Variants in ADCYAP1R1 observed in about 807,000 individuals in gnomAD.
ADCYAP1R1 encodes pituitary adenylate cyclase-activating polypeptide type I receptor.
In ADCYAP1R1, 44 loss-of-function variants were observed where a neutral mutation model predicts 67.6. The observed-to-expected ratio is 0.65, with a 90% CI of 0.51 to 0.84. The LOEUF is 0.84. Ranked by LOEUF, ADCYAP1R1 falls within the 40% of genes least tolerant of loss-of-function variation. The probability of loss-of-function intolerance (pLI) is 0.00; values close to 1 mark genes in which losing one functional copy is unlikely to be tolerated. For synonymous variants in ADCYAP1R1, 222 were observed against 219.6 expected (o/e 1.01, Z -0.10); for missense variants, 477 against 587.9 (o/e 0.81, Z 1.95).
intron 1 of ADCYAP1R1, among the ~76,000 whole-genome samples, chr7:31,059,757 C>T (rs1265916904): frequency 6.6e-6 from 1 of 152,028 alleles, no homozygotes; most frequent in Non-Finnish European, 1.5e-5. Context: ...GGGGGCAGTG[C>T]AGGGTTGCGG....
At position 31,108,082 on chromosome 7, in the gene ADCYAP1R1, T is replaced by TA. The variant is rs1796718100; in HGVS notation, c.*1399dup. On this transcript the variant is annotated 3_prime_UTR_variant, in exon 16 of 16. Transcript: ENST00000304166. Reference sequence around the variant, plus strand: ...CTCATTCCATGTCAGCATTTGGTGTTACTCCTGTCCAAATTCTGTTTGCAG... The same window carrying TA: ...CTCATTCCATGTCAGCATTTGGTGTTAACTCCTGTCCAAATTCTGTTTGCAG... 1 of 152,266 alleles carries TA rather than the reference T, an allele frequency of 6.6e-6. No homozygotes were observed. Among genetic ancestry groups the TA allele is most frequent in the Admixed American group, 6.5e-5 (1 of 15,286 alleles). The allele number at this position is 152,266 out of a possible 1,614,324, so 9.4% of individuals were successfully genotyped here. A position where few individuals can be genotyped will look rare whatever the true frequency, so the allele number is the denominator to read the frequency against.
chr7:31,087,343 G>C (rs1035335263), intron 11 of ADCYAP1R1, among the ~76,000 whole-genome samples: 3 of 152,208 alleles, frequency 2.0e-5, no homozygotes, highest in Non-Finnish European at 2.9e-5. Flanking sequence ...GGGGAAAAAT[G>C]GTCCTTTCCC....
rs746811640 is a variant in ADCYAP1R1 at position 31,084,831 on chromosome 7, T to G, written c.533T>G (p.Phe178Cys). 20 of 1,613,880 alleles carry G rather than the reference T, an allele frequency of 1.2e-5. No homozygotes were observed. The highest frequency in any genetic ancestry group is 1.5e-5 in the Non-Finnish European group (18 of 1,179,868). The change falls in exon 8 of 16, where the codon TTC (phenylalanine) becomes TGC (cysteine). Residue 178 changes from phenylalanine to cysteine, a missense_variant. Physicochemically the swap from Phe to Cys is radical, Grantham distance 205. Coordinates refer to ENST00000304166, the MANE Select transcript of ADCYAP1R1 (RefSeq NM_001118.5). ...LTTAMVILCR[F>C]RKLHCTRNFI... is the part of the protein sequence containing the mutation. ...ACTGCCATGGTCATCCTTTGTCGCT[T>G]CCGGTGAGACCCTCAGCAACATTCA...
At chr7:31,077,260 ATGTG>A (rs985604619) in intron 3 of ADCYAP1R1, among the ~76,000 whole-genome samples, 2 of 151,762 alleles carry the variant, frequency 1.3e-5, no homozygotes, top group Non-Finnish European at 2.9e-5. Flanking sequence ...TACATGTGTG[ATGTG>A]TGTGTGGGTG....
At chr7:31,080,326 C>T (rs1795462887) in intron 4 of ADCYAP1R1, among the ~76,000 whole-genome samples, 1 of 152,160 alleles carries the variant, frequency 6.6e-6, no homozygotes, top group Non-Finnish European at 1.5e-5. Flanking sequence ...CCCAGGTAGC[C>T]TGTTGTGATG....
intron 14 of ADCYAP1R1, 103 bp downstream of exon 14, chr7:31,103,469 G>T: frequency 6.5e-7 from 1 of 1,528,718 alleles, no homozygotes; most frequent in South Asian, 1.2e-5. Flanking sequence ...TGTAAAGTGA[G>T]TGCTAGAGTA....
rs896418198 is a variant in ADCYAP1R1 at position 31,106,502 on chromosome 7, G to A, written c.1225G>A (p.Ala409Thr). 34 of 1,606,908 alleles carry A rather than the reference G, an allele frequency of 2.1e-5. No individual in the cohort carries two copies. Among genetic ancestry groups the A allele is most frequent in the Non-Finnish European group, 2.8e-5 (33 of 1,176,398 alleles). Residue 409 changes from alanine (A) to threonine (T), a missense_variant, in exon 16 of 16, where the codon GCG (alanine) becomes ACG (threonine). Physicochemically the swap from Ala to Thr is moderately conservative, Grantham distance 58 (BLOSUM62 0). Transcript: ENST00000304166. ...LYCFLNGEVQAEIKRKWRSWK... is the reference protein window; with the variant it reads ...LYCFLNGEVQTEIKRKWRSWK... ...CCCAGTTTGCTCCCTGCAGGTACAA[G>A]CGGAGATCAAGCGAAAATGGCGAAG...
At position 31,052,378 on chromosome 7, in the gene ADCYAP1R1, G is replaced by C. The variant is rs1260625009; in HGVS notation, c.-372G>C. 1 of 151,844 alleles carries C rather than the reference G, an allele frequency of 6.6e-6. No individual in the cohort carries two copies. Among genetic ancestry groups the C allele is most frequent in the Non-Finnish European group, 1.5e-5 (1 of 67,908 alleles). The allele number at this position is 151,844 out of a possible 1,614,324, so 9.4% of individuals were successfully genotyped here. A position where few individuals can be genotyped will look rare whatever the true frequency, so the allele number is the denominator to read the frequency against. ...TCTCCCGCAGGACGGAGCCAAGCTG[G>C]ACTGCCGCGCCGCGCGGGGCGGGCA... is the stretch of plus-strand genomic sequence containing the variant. On this transcript the variant is annotated 5_prime_UTR_variant, in exon 1 of 16. Coordinates refer to ENST00000304166, the MANE Select transcript of ADCYAP1R1 (RefSeq NM_001118.5).
Position 31,087,677 on chromosome 7 carries a change from C to T in ADCYAP1R1, c.935C>T (p.Pro312Leu), listed in dbSNP as rs1321839365. 6.2e-7 allele frequency: 1 copy of T among 1,613,722 alleles called. No homozygotes were observed. Among genetic ancestry groups the T allele is most frequent in the African/African-American group, 1.3e-5 (1 of 74,886 alleles). The change falls in exon 12 of 16, where the codon CCT (proline) becomes CTT (leucine). Residue 312 changes from proline (P) to leucine (L), a missense_variant. Transcript: ENST00000304166. ...GCTCTGTGGTGGGTGATCAAAGGCC[C>T]TGTGGTTGGCTCTATCATGGTGAGT... Reference protein sequence around the residue: ...STALWWVIKGPVVGSIMVNFV... With the variant: ...STALWWVIKGLVVGSIMVNFV...
intron 3 of ADCYAP1R1, among the ~76,000 whole-genome samples, chr7:31,070,536 A>G (rs1284354404): frequency 3.3e-5 from 5 of 152,334 alleles, no homozygotes; most frequent in Middle Eastern, 3.4e-3. Flanking sequence ...AAGGAAGCAC[A>G]TCAGGGCTGG....
At chr7:31,084,699 C>T (rs749405385) in intron 7 of ADCYAP1R1, 38 bp from the exon 8 acceptor site, 2 of 1,566,206 alleles carry the variant, frequency 1.3e-6, no homozygotes, top group South Asian at 2.2e-5. Flanking sequence ...GTGGGCAGGT[C>T]TCACATGAAG....
chr7:31,069,377 G>A (rs767816491), intron 3 of ADCYAP1R1, among the ~76,000 whole-genome samples: 5 of 152,298 alleles, frequency 3.3e-5, no homozygotes, highest in African/African-American at 7.2e-5. Flanking sequence ...TGCACAGAAC[G>A]CTGGCCAAAG....
chr7:31,097,928 T>A (rs774180958), intron 13 of ADCYAP1R1, among the ~76,000 whole-genome samples: 28 of 152,180 alleles, frequency 1.8e-4, no homozygotes, highest in Non-Finnish European at 2.6e-4. Flanking sequence ...TTAGACAGAG[T>A]CTTGCTCTGT....
intron 13 of ADCYAP1R1, among the ~76,000 whole-genome samples, chr7:31,097,795 A>G (rs1796260423): frequency 1.4e-5 from 2 of 147,644 alleles, no homozygotes; most frequent in Admixed American, 1.3e-4. Context: ...CTTGGCATGT[A>G]GGAGGCAACA....
chr7:31,099,540 G>T (rs1252905222), intron 13 of ADCYAP1R1, among the ~76,000 whole-genome samples: 1 of 152,210 alleles, frequency 6.6e-6, no homozygotes, highest in African/African-American at 2.4e-5. Flanking sequence ...TGTCCCCTAT[G>T]TATGTGCTGA....
intron 1 of ADCYAP1R1, among the ~76,000 whole-genome samples, chr7:31,057,815 G>A (rs1326909174): frequency 6.6e-6 from 1 of 152,206 alleles, no homozygotes; most frequent in Non-Finnish European, 1.5e-5. Context: ...CCCCTGTCAT[G>A]AGTAAATGGA....
chr7:31,080,445 C>CA (rs769510274), intron 4 of ADCYAP1R1, among the ~76,000 whole-genome samples, 168 bp from the exon 5 acceptor site: 1 of 152,280 alleles, frequency 6.6e-6, no homozygotes, highest in East Asian at 1.9e-4. Context: ...CCAGTGTCCC[C>CA]AGCTTATAGT....
chr7:31,100,850 C>T (rs1468949024), intron 13 of ADCYAP1R1, among the ~76,000 whole-genome samples: 1 of 152,224 alleles, frequency 6.6e-6, no homozygotes, highest in Non-Finnish European at 1.5e-5. Context: ...TCAATTTGGA[C>T]ATCCCTTTTA....
chr7:31,067,649 C>T (rs529528890), intron 3 of ADCYAP1R1, among the ~76,000 whole-genome samples: 1 of 152,314 alleles, frequency 6.6e-6, no homozygotes, highest in South Asian at 2.1e-4. Context: ...CTGGGATGCA[C>T]CACCTCTAAA....
Sources: gnomAD v4.1 joint callset for allele counts (sites outside exome capture counted in the v4.1 genomes callset) on GRCh38, gnomAD v4.1.1 for gene constraint, MANE v1.5 for transcripts, NCBI Gene and HGNC (gene_info 2026-07-23, HGNC 2026-07-21) for gene names.